Variants in CD34 observed in about 807,000 individuals in gnomAD.
CD34 encodes CD34 molecule.
Under a neutral mutation model 40.1 loss-of-function variants are expected in CD34, and 34 were observed. The observed-to-expected ratio is 0.85, with a 90% CI of 0.65 to 1.13. The LOEUF is 1.13. Ranked by LOEUF, CD34 falls within the 50% of genes most tolerant of loss-of-function variation. CD34 has a pLI of 0.00. For missense variants in CD34, 426 were observed against 466.9 expected (o/e 0.91, Z 0.81); for synonymous variants, 209 against 190.0 (o/e 1.10, Z -0.82).
Position 207,882,376 on chromosome 1 carries a change from G to A in CD34, c.*5362C>T, listed in dbSNP as rs1282103474. 6.6e-6 allele frequency: 1 copy of A among 152,176 alleles called. No homozygotes were observed. The highest frequency in any genetic ancestry group is 2.4e-5 in the African/African-American group (1 of 41,438). 9.4% of individuals were successfully genotyped at this position (152,176 alleles called of 1,614,324 possible). On this transcript the variant is annotated 3_prime_UTR_variant, in exon 8 of 8. Transcript: ENST00000310833. ...ACCCACCAGTGTGGTATCAAAGGAG[G>A]GGTGCTAAACAGAATCTTTCAATAA...
chr1:207,884,838 T>C lies in CD34; in HGVS notation c.*2900A>G, dbSNP rs2745949. Reference sequence around the variant, plus strand: ...GGGGCTCCTCCAGGACCTGCTTGGCTGGCCAGGCCTAGGATAGCTTATGTT... The same window carrying C: ...GGGGCTCCTCCAGGACCTGCTTGGCCGGCCAGGCCTAGGATAGCTTATGTT... On this transcript the variant is annotated 3_prime_UTR_variant, in exon 8 of 8. Coordinates refer to ENST00000310833, the MANE Select transcript of CD34 (RefSeq NM_001025109.2). The C allele has an allele frequency of 0.2, 30,239 of 152,166 alleles. 3,831 individuals are homozygous for C. The highest frequency in any genetic ancestry group is 0.28 in the Non-Finnish European group (19,357 of 67,962). The allele number at this position is 152,166 out of a possible 1,614,324, so 9.4% of individuals were successfully genotyped here.
chr1:207,905,295 C>T (rs1183441445), intron 1 of CD34, among the ~76,000 whole-genome samples: 1 of 152,152 alleles, frequency 6.6e-6, no homozygotes, highest in Non-Finnish European at 1.5e-5. Context: ...GCCACCATGC[C>T]CGGCTAATTT....
chr1:207,899,124 G>C lies in CD34; in HGVS notation c.365C>G (p.Thr122Ser), dbSNP rs754126325. 2 of 1,614,234 alleles carry C rather than the reference G, an allele frequency of 1.2e-6. No individual in the cohort carries two copies. The highest frequency in any genetic ancestry group is 4.5e-5 in the East Asian group (2 of 44,890). ...SQTSVISTVF[T>S]TPANVSTPET... ...TGGAGTTGAAACGTTGGCTGGGGTG[G>C]TGAACACTGTGCTGATTACAGAGGT... Residue 122 changes from threonine to serine, a missense_variant, in exon 3 of 8, where the codon ACC (threonine) becomes AGC (serine). Coordinates refer to ENST00000310833, the MANE Select transcript of CD34 (RefSeq NM_001025109.2).
At chr1:207,896,361 A>C (rs1662149559) in intron 4 of CD34, among the ~76,000 whole-genome samples, 1 of 152,238 alleles carries the variant, frequency 6.6e-6, no homozygotes. Context: ...ATTCTTTCCA[A>C]TGCAGTAAGA....
intron 1 of CD34, among the ~76,000 whole-genome samples, chr1:207,906,674 G>A (rs760746371): frequency 5.9e-5 from 9 of 152,000 alleles, no homozygotes; most frequent in Admixed American, 3.3e-4. Flanking sequence ...GAGAAAACCC[G>A]TCTCTACTAA....
chr1:207,910,834 C>A (rs1662495049), intron 1 of CD34, among the ~76,000 whole-genome samples, 168 bp downstream of exon 1: 2 of 146,058 alleles, frequency 1.4e-5, no homozygotes, highest in African/African-American at 5.1e-5. Context: ...CCCGTCAGCT[C>A]CCAGGTGAGG....
At position 207,897,482 on chromosome 1, in the gene CD34, G is replaced by A; in HGVS notation, c.597+11C>T. 6.5e-7 allele frequency: 1 copy of A among 1,549,422 alleles called. No individual in the cohort carries two copies. The highest frequency in any genetic ancestry group is 8.7e-7 in the Non-Finnish European group (1 of 1,143,018). On this transcript the variant is annotated intron_variant, in intron 4 of 7. Coordinates refer to ENST00000310833, the MANE Select transcript of CD34 (RefSeq NM_001025109.2). ...GGCGGGAGGAAGAGGTTGGGTGGGG[G>A]GTTGACTTACACAGCTGGAGGTCTT... is the stretch of plus-strand genomic sequence containing the variant.
rs60024563 is a variant in CD34, at chr1:207,898,031, T to TTTTATTTATTTATTTA, written c.517-474_517-459dup. ...ACTCTCCAAATTCCCATTTTGGCTC[T>TTTTATTTATTTATTTA]TTTATTTATTTATTTATTTATTTAT... On this transcript the variant is annotated intron_variant, in intron 3 of 7. Transcript: ENST00000310833. Among the ~76,000 whole-genome samples the TTTTATTTATTTATTTA allele has an allele frequency of 3.1e-3, 440 of 143,454 alleles. 5 individuals are homozygous for TTTTATTTATTTATTTA. The highest frequency in any genetic ancestry group is 6.9e-3 in the African/African-American group (262 of 37,822). 94.1% of individuals were successfully genotyped at this position (143,454 alleles called of 152,430 possible).
intron 4 of CD34, among the ~76,000 whole-genome samples, chr1:207,890,652 C>T (rs1259413958): frequency 1.3e-5 from 2 of 152,254 alleles, no homozygotes; most frequent in East Asian, 3.9e-4. Context: ...TCAAGATTGG[C>T]CTCAGGACCC....
At chr1:207,908,782 A>T (rs1446977869) in intron 1 of CD34, among the ~76,000 whole-genome samples, 2 of 152,180 alleles carry the variant, frequency 1.3e-5, no homozygotes, top group Non-Finnish European at 2.9e-5. Context: ...CCCACTTCCA[A>T]CAAAGACAGC....
intron 7 of CD34, 136 bp downstream of exon 7, chr1:207,888,546 G>GCA: frequency 1.2e-6 from 1 of 851,014 alleles, no homozygotes; most frequent in East Asian, 2.4e-5. Flanking sequence ...TACTGTGTGT[G>GCA]CACACATGCA....
chr1:207,900,996 CTT>C (rs34109724), intron 1 of CD34, among the ~76,000 whole-genome samples: 9 of 134,678 alleles, frequency 6.7e-5, no homozygotes, highest in East Asian at 2.2e-4. Flanking sequence ...GGGATACATA[CTT>C]TTTTTTTTTT....
intron 1 of CD34, among the ~76,000 whole-genome samples, chr1:207,910,099 C>A (rs886964640): frequency 6.6e-6 from 1 of 152,056 alleles, no homozygotes; most frequent in African/African-American, 2.4e-5. Flanking sequence ...GGAAAGTAAT[C>A]GAGTATAAAT....
At chr1:207,889,362 G>A in intron 5 of CD34, 103 bp downstream of exon 5, 2 of 1,531,074 alleles carry the variant, frequency 1.3e-6, no homozygotes, top group African/African-American at 2.7e-5. Flanking sequence ...CTTCTCCCCA[G>A]CACCTGTGGT....
In CD34 at chr1:207,911,102, G is replaced by A. The variant is rs758800498; in HGVS notation, c.-22C>T. 6.4e-7 allele frequency: 1 copy of A among 1,557,120 alleles called. No individual in the cohort carries two copies. Among genetic ancestry groups the A allele is most frequent in the South Asian group, 1.2e-5 (1 of 85,084 alleles). The stretch of plus-strand genomic sequence containing the variant: ...GCATCCTTCCCGCGCGGCTCCTAGA[G>A]AGACGCACCGAGTGGAAGACACTAC... On this transcript the variant is annotated 5_prime_UTR_variant, in exon 1 of 8. Transcript: ENST00000310833.
chr1:207,898,355 T>C (rs905253593), intron 3 of CD34, among the ~76,000 whole-genome samples: 1 of 152,078 alleles, frequency 6.6e-6, no homozygotes, highest in African/African-American at 2.4e-5. Flanking sequence ...CTGGCTCCTT[T>C]AAAAACAGAA....
Position 207,881,531 on chromosome 1 carries a change from G to T in CD34, c.*6207C>A, listed in dbSNP as rs1193144293. On this transcript the variant is annotated 3_prime_UTR_variant, in exon 8 of 8. Coordinates refer to ENST00000310833, the MANE Select transcript of CD34 (RefSeq NM_001025109.2). ...AAAAATTAGCCGGGCGTGGTGGCGG[G>T]TGCCTGTAGTCCCAGCTACTTGGGA... is the stretch of plus-strand genomic sequence containing the variant. 3 of 151,938 alleles carry T rather than the reference G, an allele frequency of 2.0e-5. No individual in the cohort carries two copies. The highest frequency in any genetic ancestry group is 4.4e-5 in the Non-Finnish European group (3 of 68,020). The allele number at this position is 151,938 out of a possible 1,614,324, so 9.4% of individuals were successfully genotyped here.
Position 207,889,161 on chromosome 1 carries a change from C to A in CD34, c.807G>T (p.Lys269Asn), listed in dbSNP as rs1661974782. The A allele has an allele frequency of 1.9e-6, 3 of 1,568,538 alleles. No individual in the cohort carries two copies. Among genetic ancestry groups the A allele is most frequent in the Non-Finnish European group, 2.6e-6 (3 of 1,138,348 alleles). ...LMKKHQSDLKKLGILDFTEQD... is the reference protein window; with the variant it reads ...LMKKHQSDLKNLGILDFTEQD... The stretch of plus-strand genomic sequence containing the variant: ...AGGCCCATCATCTCAGAGGACTTAC[C>A]TTTTTCAGGTCAGATTGGTGCTTTT... Residue 269 changes from lysine to asparagine, a missense_variant and splice_region_variant, in exon 6 of 8, where the codon AAG (lysine) becomes AAT (asparagine). Physicochemically the swap from Lys to Asn is moderately conservative, Grantham distance 94. Transcript: ENST00000310833.
In CD34 at chr1:207,900,999, T is replaced by TC. The variant is rs1247490223; in HGVS notation, c.80-997_80-996insG. Among the ~76,000 whole-genome samples the TC allele has an allele frequency of 2.0e-5, 3 of 150,292 alleles. No homozygotes were observed. In the East Asian group the frequency reaches 5.8e-4, roughly 29 times the overall value. On this transcript the variant is annotated intron_variant, in intron 1 of 7. Coordinates refer to ENST00000310833, the MANE Select transcript of CD34 (RefSeq NM_001025109.2). Reference sequence around the variant, plus strand: ...TCTGTATATCCTGGGATACATACTTTTTTTTTTTTTTTTTTAAGACAGGGT... The same window carrying TC: ...TCTGTATATCCTGGGATACATACTTTCTTTTTTTTTTTTTTTAAGACAGGGT...
Sources: gnomAD v4.1 joint callset for allele counts (sites outside exome capture counted in the v4.1 genomes callset) on GRCh38, gnomAD v4.1.1 for gene constraint, MANE v1.5 for transcripts, NCBI Gene and HGNC (gene_info 2026-07-23, HGNC 2026-07-21) for gene names.